The following CCSER1 variants were observed in gnomAD, a reference collection of about 807,000 sequenced individuals.
The protein encoded by CCSER1 is coiled-coil serine rich protein 1, also known as serine-rich coiled-coil domain-containing protein 1.
A neutral mutation model predicts 82.0 loss-of-function variants in CCSER1; 41 were observed. The ratio of observed to expected loss-of-function variants is 0.50; its 90% CI spans 0.39 to 0.65. The LOEUF (loss-of-function observed/expected upper bound fraction) is 0.65, where lower values mean the gene tolerates loss of function less well. CCSER1 is among the 30% of genes least tolerant of loss of function. The pLI, the probability that CCSER1 is intolerant of heterozygous loss-of-function variation, is 0.00. For synonymous variants in CCSER1, 414 were observed against 383.9 expected, an observed-to-expected ratio of 1.08 and a Z score of -0.92; for missense variants, 1,119 against 1,064.2, an observed-to-expected ratio of 1.05 and a Z score of -0.72.
intron 10 of CCSER1, among the ~76,000 whole-genome samples, chr4:91,511,750 A>T (rs1261627087): frequency 6.6e-6 from 1 of 152,208 alleles, no homozygotes; most frequent in Non-Finnish European, 1.5e-5. Context: ...TATCACTCCC[A>T]GATGGGACCT....
chr4:91,051,330 A>G (rs1384574247), intron 9 of CCSER1, among the ~76,000 whole-genome samples: 2 of 152,150 alleles, frequency 1.3e-5, no homozygotes, highest in Non-Finnish European at 2.9e-5. Flanking sequence ...TATATTTACA[A>G]TTAATTATTT....
Position 90,328,011 on chromosome 4 carries a change from T to C in CCSER1, c.1509+14964T>C, listed in dbSNP as rs542092690. On this transcript the variant is annotated intron_variant, in intron 3 of 10. Coordinates refer to ENST00000509176, the MANE Select transcript of CCSER1 (RefSeq NM_001145065.2). ...CTTTTCAGATTCCTTTGGAGGCTTC[T>C]TCACACCCACACTTTAAACACAGCT... 3.3e-5 allele frequency among the ~76,000 whole-genome samples: 5 copies of C among 152,332 alleles called. No homozygotes were observed. In the South Asian group the frequency reaches 1.0e-3, roughly 32 times the overall value.
chr4:91,256,607 C>T (rs144592802), intron 10 of CCSER1, among the ~76,000 whole-genome samples: 4 of 152,100 alleles, frequency 2.6e-5, no homozygotes, highest in East Asian at 1.9e-4. Flanking sequence ...TTTCTCAGAC[C>T]GGCCGACACT....
At chr4:91,091,173 G>A (rs548764083) in intron 10 of CCSER1, among the ~76,000 whole-genome samples, 21 of 152,246 alleles carry the variant, frequency 1.4e-4, no homozygotes, top group African/African-American at 2.4e-4. Context: ...CAGCACAAGC[G>A]TCAAATTATA....
chr4:91,553,834 G>C (rs1034815804), intron 10 of CCSER1, among the ~76,000 whole-genome samples: 1 of 149,030 alleles, frequency 6.7e-6, no homozygotes, highest in Non-Finnish European at 1.5e-5. Flanking sequence ...TCTAGCTAAA[G>C]GTTTATCAAT....
intron 6 of CCSER1, among the ~76,000 whole-genome samples, chr4:90,631,797 A>G (rs1724490427): frequency 6.6e-6 from 1 of 152,342 alleles, no homozygotes; most frequent in African/African-American, 2.4e-5. Flanking sequence ...CCACAAGTGG[A>G]AAATTCCACA....
intron 5 of CCSER1, among the ~76,000 whole-genome samples, chr4:90,487,861 C>T (rs1342314017): frequency 6.6e-6 from 1 of 152,112 alleles, no homozygotes; most frequent in Non-Finnish European, 1.5e-5. Flanking sequence ...AGGCTGTTCT[C>T]CATCTCTTGA....
intron 10 of CCSER1, among the ~76,000 whole-genome samples, chr4:91,375,085 T>C (rs995446354): frequency 6.6e-6 from 1 of 152,182 alleles, no homozygotes; most frequent in African/African-American, 2.4e-5. Context: ...GAAAACCTTC[T>C]GGAAAGGACT....
At chr4:91,401,456 T>A (rs1358957458) in intron 10 of CCSER1, among the ~76,000 whole-genome samples, 1 of 151,470 alleles carries the variant, frequency 6.6e-6, no homozygotes, top group African/African-American at 2.4e-5. Context: ...CGTGCAGGTT[T>A]GTTACATATG....
At position 91,521,833 on chromosome 4, in the gene CCSER1, C is replaced by T. The variant is rs540799054; in HGVS notation, c.2218-76739C>T. ...AATTTTCTCCCATTCTGTAGGTTGC[C>T]TGTTCACTCTGATGGCAGTTCCTTT... On this transcript the variant is annotated intron_variant, in intron 10 of 10. Coordinates refer to ENST00000509176, the MANE Select transcript of CCSER1 (RefSeq NM_001145065.2). Among the ~76,000 whole-genome samples the T allele has an allele frequency of 2.6e-5, 4 of 152,284 alleles. No individual in the cohort carries two copies. The South Asian group carries it at 8.3e-4, about 32-fold the overall frequency.
At chr4:90,144,745 G>C (rs1725486201) in intron 1 of CCSER1, among the ~76,000 whole-genome samples, 1 of 152,100 alleles carries the variant, frequency 6.6e-6, no homozygotes, top group Non-Finnish European at 1.5e-5. Flanking sequence ...CAGATATTCA[G>C]ACTATGTAGT....
chr4:90,682,014 C>T (rs1404211413), intron 6 of CCSER1, among the ~76,000 whole-genome samples: 1 of 148,780 alleles, frequency 6.7e-6, no homozygotes, highest in African/African-American at 2.5e-5. Flanking sequence ...AAAAAAATAA[C>T]TTTTTTTTTT....
chr4:91,143,466 T>C (rs756163082), intron 10 of CCSER1, among the ~76,000 whole-genome samples: 8 of 152,106 alleles, frequency 5.3e-5, no homozygotes, highest in Non-Finnish European at 1.2e-4. Flanking sequence ...TGTATGCTTT[T>C]TATTTATTTA....
At chr4:90,191,081 G>A (rs1240346337) in intron 1 of CCSER1, among the ~76,000 whole-genome samples, 1 of 151,866 alleles carries the variant, frequency 6.6e-6, no homozygotes, top group Non-Finnish European at 1.5e-5. Flanking sequence ...GTTTCTCTTT[G>A]GACTAGCTTG....
At chr4:91,107,639 C>CT (rs55901052) in intron 10 of CCSER1, among the ~76,000 whole-genome samples, 4,343 of 136,278 alleles carry the variant, frequency 0.032, 200 homozygotes, top group African/African-American at 0.1. Flanking sequence ...TTCTTTTTCT[C>CT]TTTTTTTTTT....
chr4:90,404,187 G>A (rs1414771953), intron 4 of CCSER1: 1 of 152,310 alleles, frequency 6.6e-6, no homozygotes, highest in Non-Finnish European at 1.5e-5. Context: ...GCATGTGACT[G>A]ACAGCTTTCC....
intron 9 of CCSER1, among the ~76,000 whole-genome samples, chr4:90,993,260 C>T (rs1181043627): frequency 1.3e-5 from 2 of 151,826 alleles, no homozygotes; most frequent in Admixed American, 6.6e-5. Flanking sequence ...CTCTTTTTAC[C>T]ATTGTGAATA....
Position 90,309,531 on chromosome 4 carries a change from C to A in CCSER1, c.1247C>A (p.Ser416Ter). Residue 416 changes from serine to a stop codon, truncating the protein, a stop_gained, in exon 2 of 11, where the codon TCA becomes TAA. Coordinates refer to ENST00000509176, the MANE Select transcript of CCSER1 (RefSeq NM_001145065.2). LOFTEE classifies it high-confidence loss of function. ...AAAGGGATCCATCCTATTTCAGATTCAAAGATAATACCTACTTCTGGTGAT... is the reference window on the plus strand; with the variant it reads ...AAAGGGATCCATCCTATTTCAGATTAAAAGATAATACCTACTTCTGGTGAT... ...HVKGIHPISD[S>*]KIIPTSGDHH... 1 of 1,612,610 alleles carries A rather than the reference C, an allele frequency of 6.2e-7. No homozygotes were observed. Among genetic ancestry groups the A allele is most frequent in the South Asian group, 1.1e-5 (1 of 90,686 alleles).
chr4:91,529,706 C>G (rs1377314943), intron 10 of CCSER1, among the ~76,000 whole-genome samples: 7 of 151,832 alleles, frequency 4.6e-5, no homozygotes, highest in Non-Finnish European at 8.8e-5. Flanking sequence ...CAGGATAGAT[C>G]TAAGCTATTC....
Sources: allele counts gnomAD v4.1 joint callset (sites outside exome capture counted in the v4.1 genomes callset), GRCh38; gene constraint gnomAD v4.1.1; transcripts MANE v1.5; gene names NCBI Gene and HGNC (gene_info 2026-07-23, HGNC 2026-07-21).